Variants in DNAH14 observed in about 807,000 individuals in gnomAD.
The protein encoded by DNAH14 is dynein axonemal heavy chain 14.
DNAH14 carries 478 observed loss-of-function variants against 520.9 expected under a neutral mutation model. The ratio of observed to expected loss-of-function variants is 0.92; its 90% CI spans 0.85 to 0.99. The LOEUF is 0.99. Ranked by LOEUF, DNAH14 falls within the 50% of genes least tolerant of loss-of-function variation. The pLI is 0.00. For synonymous variants in DNAH14, 1,581 were observed against 1,757.2 expected (o/e 0.90, Z 2.51); for missense variants, 4,831 against 5,234.5 (o/e 0.92, Z 2.38).
intron 17 of DNAH14, among the ~76,000 whole-genome samples, chr1:225,067,711 T>C (rs971849922): frequency 1.3e-5 from 2 of 152,206 alleles, no homozygotes; most frequent in African/African-American, 4.8e-5. Flanking sequence ...ATTTCTCTAA[T>C]GATCAGTGAT....
At chr1:225,341,359 C>T (rs372452657) in intron 69 of DNAH14, among the ~76,000 whole-genome samples, 13 of 152,330 alleles carry the variant, frequency 8.5e-5, no homozygotes, top group East Asian at 1.9e-4. Flanking sequence ...CGGTGGCTCA[C>T]GCCTGTAATC....
At chr1:225,286,326 A>G (rs1483012838) in intron 54 of DNAH14, among the ~76,000 whole-genome samples, 5 of 152,292 alleles carry the variant, frequency 3.3e-5, no homozygotes, top group Admixed American at 3.3e-4. Context: ...AACACAAAGG[A>G]CAATGTTTGA....
chr1:225,203,138 A>G (rs1255886364), intron 38 of DNAH14, among the ~76,000 whole-genome samples: 1 of 152,148 alleles, frequency 6.6e-6, no homozygotes, highest in African/African-American at 2.4e-5. Context: ...TCTTGCAGTC[A>G]TTCTGGAGCA....
At chr1:225,313,811 T>A (rs1487211239) in intron 60 of DNAH14, among the ~76,000 whole-genome samples, 3 of 152,200 alleles carry the variant, frequency 2.0e-5, no homozygotes, top group African/African-American at 7.2e-5. Context: ...AGAGACTGTT[T>A]GTTATGATTT....
intron 27 of DNAH14, among the ~76,000 whole-genome samples, chr1:225,126,846 A>G (rs201627020): frequency 0.053 from 8,071 of 150,896 alleles, 446 homozygotes; most frequent in East Asian, 0.23. Flanking sequence ...TGGGCATTTA[A>G]TGCTATAAAT....
chr1:225,375,590 G>A (rs754232739), intron 78 of DNAH14, among the ~76,000 whole-genome samples: 1 of 152,148 alleles, frequency 6.6e-6, no homozygotes, highest in Admixed American at 6.5e-5. Context: ...TGAGGATATG[G>A]ATAGATAAAC....
intron 78 of DNAH14, among the ~76,000 whole-genome samples, chr1:225,375,110 G>A (rs947943700): frequency 1.1e-4 from 16 of 151,964 alleles, no homozygotes; most frequent in Non-Finnish European, 2.2e-4. Flanking sequence ...CTCCGAGAAC[G>A]TAGAGTGTAA....
intron 76 of DNAH14, among the ~76,000 whole-genome samples, chr1:225,365,421 C>T (rs1335748238): frequency 6.6e-6 from 1 of 152,150 alleles, no homozygotes; most frequent in East Asian, 1.9e-4. Flanking sequence ...TGACCGATGG[C>T]ATAGGCAGAA....
intron 64 of DNAH14, among the ~76,000 whole-genome samples, chr1:225,327,245 C>T (rs1285180661): frequency 6.6e-6 from 1 of 152,042 alleles, no homozygotes; most frequent in East Asian, 1.9e-4. Context: ...GCAAGCTCCG[C>T]CTCCCGGGTT....
intron 64 of DNAH14, among the ~76,000 whole-genome samples, chr1:225,331,021 A>C (rs1388452290): frequency 1.3e-5 from 2 of 152,210 alleles, no homozygotes; most frequent in African/African-American, 4.8e-5. Flanking sequence ...AGGAAGGTTT[A>C]ACAGTTGATT....
chr1:225,055,845 TC>T (rs2069015272), intron 17 of DNAH14, among the ~76,000 whole-genome samples: 4 of 152,074 alleles, frequency 2.6e-5, no homozygotes. Context: ...TTCATCCATG[TC>T]CCCACAAAGG....
intron 21 of DNAH14, among the ~76,000 whole-genome samples, chr1:225,087,194 G>A (rs954775488): frequency 2.0e-5 from 3 of 152,214 alleles, no homozygotes; most frequent in African/African-American, 7.2e-5. Context: ...CCAAGAGCAT[G>A]GGGCTGGCAT....
intron 60 of DNAH14, among the ~76,000 whole-genome samples, chr1:225,314,491 A>G (rs1220459218): frequency 1.3e-5 from 2 of 152,090 alleles, no homozygotes; most frequent in Non-Finnish European, 2.9e-5. Context: ...TGCTAGCTGC[A>G]GTTTTTTTGC....
intron 1 of DNAH14, among the ~76,000 whole-genome samples, chr1:224,944,393 G>T (rs1178176047): frequency 6.6e-6 from 1 of 152,034 alleles, no homozygotes; most frequent in Admixed American, 6.5e-5. Flanking sequence ...GTCTCTGCAC[G>T]TGAGATGGGT....
At chr1:225,061,102 G>T (rs2070010618) in intron 17 of DNAH14, among the ~76,000 whole-genome samples, 1 of 152,202 alleles carries the variant, frequency 6.6e-6, no homozygotes, top group Non-Finnish European at 1.5e-5. Flanking sequence ...GCTATGCCCT[G>T]CCCCCAGAGG....
At chr1:225,196,887 G>A (rs2086209990) in intron 38 of DNAH14, among the ~76,000 whole-genome samples, 1 of 150,876 alleles carries the variant, frequency 6.6e-6, no homozygotes, top group South Asian at 2.1e-4. Flanking sequence ...TAATTTGATG[G>A]TATTGTTTAG....
chr1:225,000,287 C>G (rs2063669420), intron 8 of DNAH14, among the ~76,000 whole-genome samples: 1 of 152,072 alleles, frequency 6.6e-6, no homozygotes, highest in Non-Finnish European at 1.5e-5. Context: ...AGTGTTTTTC[C>G]TCTTGCTGAT....
At chr1:224,997,243 G>A (rs2147740806) in intron 8 of DNAH14, among the ~76,000 whole-genome samples, 1 of 152,118 alleles carries the variant, frequency 6.6e-6, no homozygotes, top group East Asian at 1.9e-4. Flanking sequence ...AAGTGAGACT[G>A]GAGTGGACTT....
rs757257187 is a variant in DNAH14, at chr1:224,960,203, G to C, written c.268G>C (p.Ala90Pro). ...IQQHMVSPEP[A>P]SLKEKGKSRR... is the part of the protein sequence containing the mutation. ...ACAACATATGGTTTCTCCAGAGCCA[G>C]CTTCCCTTAAGGAGAAAGGGAAGTC... The change falls in exon 4 of 86, where the codon GCT (alanine) becomes CCT (proline). Residue 90 changes from alanine to proline, a missense_variant. Transcript: ENST00000682510. 1.2e-6 allele frequency: 2 copies of C among 1,608,678 alleles called. No individual in the cohort carries two copies. Among genetic ancestry groups the C allele is most frequent in the Admixed American group, 3.4e-5 (2 of 58,676 alleles).
Sources: gnomAD v4.1 joint callset for allele counts (sites outside exome capture counted in the v4.1 genomes callset) on GRCh38, gnomAD v4.1.1 for gene constraint, MANE v1.5 for transcripts, NCBI Gene and HGNC (gene_info 2026-07-23, HGNC 2026-07-21) for gene names.